Variants in ARHGAP42 observed in about 807,000 individuals in gnomAD.
ARHGAP42 encodes the protein Rho GTPase activating protein 42.
ARHGAP42 carries 63 observed loss-of-function variants against 125.0 expected under a neutral mutation model. The ratio of observed to expected loss-of-function variants is 0.50; its 90% CI spans 0.41 to 0.62. The LOEUF is 0.62. Ranked by LOEUF, ARHGAP42 falls within the 20% of genes least tolerant of loss-of-function variation. The pLI, the probability that ARHGAP42 is intolerant of heterozygous loss-of-function variation, is 0.00. For missense variants in ARHGAP42, 766 were observed against 1,024.2 expected (o/e 0.75, Z 3.44); for synonymous variants, 339 against 351.0 (o/e 0.97, Z 0.38).
intron 4 of ARHGAP42, among the ~76,000 whole-genome samples, chr11:100,903,133 A>ACACATGCGCACACACACACACACT (rs1866603543): frequency 6.6e-6 from 1 of 151,268 alleles, no homozygotes; most frequent in African/African-American, 2.4e-5. Flanking sequence ...ACACACACAC[A>ACACATGCGCACACACACACACACT]CACACACACA....
intron 1 of ARHGAP42, among the ~76,000 whole-genome samples, chr11:100,747,636 CA>C (rs952954580): frequency 2.0e-5 from 3 of 152,210 alleles, no homozygotes; most frequent in East Asian, 1.9e-4. Context: ...ACCTTTAAAA[CA>C]AAAATTTTTT....
chr11:100,762,613 T>G (rs1862732740), intron 1 of ARHGAP42, among the ~76,000 whole-genome samples: 2 of 152,230 alleles, frequency 1.3e-5, no homozygotes, highest in Non-Finnish European at 2.9e-5. Flanking sequence ...TAGGCATGTA[T>G]ATAAAACAGA....
At chr11:100,770,546 A>G (rs1193787247) in intron 2 of ARHGAP42, 108 bp downstream of exon 2, 6 of 867,154 alleles carry the variant, frequency 6.9e-6, no homozygotes, top group Non-Finnish European at 1.0e-5. Context: ...GACTTTGACA[A>G]TACTATAAGA....
rs1864641798 is a variant in ARHGAP42, at chr11:100,830,573, C to T, written c.313-28981C>T. The stretch of plus-strand genomic sequence containing the variant: ...AGAAGCTGCAGTGTCACAAGATCCT[C>T]AGGTGTTTCTTGTGTGCATTAAAGT... On this transcript the variant is annotated intron_variant, in intron 3 of 23. Coordinates refer to ENST00000298815, the MANE Select transcript of ARHGAP42 (RefSeq NM_152432.4). Among the ~76,000 whole-genome samples, 7 of 152,174 alleles carry T rather than the reference C, an allele frequency of 4.6e-5. No individual in the cohort carries two copies. In the South Asian group the frequency reaches 1.5e-3, roughly 32 times the overall value.
rs142299892 is a variant in ARHGAP42, at chr11:100,890,275, C to G, written c.385-23177C>G. On this transcript the variant is annotated intron_variant, in intron 4 of 23. Transcript: ENST00000298815. ...GCTCCTGATGGTTGAAGTTTGACTC[C>G]CTCAAACTGTTCCAGGCTGCAGTGA... is the stretch of plus-strand genomic sequence containing the variant. Among the ~76,000 whole-genome samples the G allele has an allele frequency of 8.4e-3, 1,281 of 152,244 alleles. 21 individuals carry two copies. Among genetic ancestry groups the G allele is most frequent in the African/African-American group, 0.029 (1,209 of 41,546 alleles).
chr11:100,708,304 G>A (rs113924001), intron 1 of ARHGAP42, among the ~76,000 whole-genome samples: 4 of 152,206 alleles, frequency 2.6e-5, no homozygotes, highest in African/African-American at 9.6e-5. Flanking sequence ...TTGAACCCAG[G>A]GGTTGGAGAC....
At chr11:100,758,130 G>A (rs984205907) in intron 1 of ARHGAP42, among the ~76,000 whole-genome samples, 3 of 152,110 alleles carry the variant, frequency 2.0e-5, no homozygotes, top group Non-Finnish European at 4.4e-5. Flanking sequence ...AATAAATGTA[G>A]CAACTTAAAC....
chr11:100,798,612 T>A (rs1863778324), intron 3 of ARHGAP42, among the ~76,000 whole-genome samples: 1 of 152,262 alleles, frequency 6.6e-6, no homozygotes, highest in Non-Finnish European at 1.5e-5. Context: ...ATATAACTTA[T>A]TTGCACTGGC....
intron 16 of ARHGAP42, among the ~76,000 whole-genome samples, chr11:100,964,103 GA>G (rs1308485456): frequency 2.6e-5 from 4 of 152,008 alleles, no homozygotes; most frequent in Non-Finnish European, 4.4e-5. Context: ...TACTAGATGT[GA>G]AGTTAAGAAA....
intron 8 of ARHGAP42, among the ~76,000 whole-genome samples, chr11:100,940,684 T>C (rs1311406931): frequency 6.6e-6 from 1 of 152,158 alleles, no homozygotes; most frequent in East Asian, 1.9e-4. Flanking sequence ...TTTGAACTTG[T>C]TTTTTCCAGA....
intron 3 of ARHGAP42, among the ~76,000 whole-genome samples, chr11:100,814,990 T>A (rs918571863): frequency 4.6e-5 from 7 of 152,214 alleles, no homozygotes; most frequent in African/African-American, 1.7e-4. Context: ...AAGATGTGAG[T>A]TGGCCTCATG....
At chr11:100,985,294 T>A (rs1312284448) in intron 22 of ARHGAP42, among the ~76,000 whole-genome samples, 2 of 152,176 alleles carry the variant, frequency 1.3e-5, no homozygotes, top group African/African-American at 4.8e-5. Flanking sequence ...TTTGTCTTAA[T>A]GGTTCAAAGA....
chr11:100,687,864 G>A, intron 1 of ARHGAP42, 32 bp downstream of exon 1: 3 of 1,511,796 alleles, frequency 2.0e-6, no homozygotes, highest in Admixed American at 2.1e-5. Flanking sequence ...GTGGACACCC[G>A]CATCTGGAGA....
intron 1 of ARHGAP42, among the ~76,000 whole-genome samples, chr11:100,695,362 C>A (rs915282964): frequency 6.6e-6 from 1 of 152,120 alleles, no homozygotes; most frequent in Non-Finnish European, 1.5e-5. Flanking sequence ...GGAATGCAAT[C>A]GCACGATCTC....
chr11:100,955,074 G>A (rs1445689055), intron 12 of ARHGAP42, among the ~76,000 whole-genome samples: 1 of 152,068 alleles, frequency 6.6e-6, no homozygotes, highest in Non-Finnish European at 1.5e-5. Context: ...GAAGGTGTAA[G>A]GACTTTTGCT....
chr11:100,740,352 G>GA (rs1862158316), intron 1 of ARHGAP42, among the ~76,000 whole-genome samples: 1 of 152,114 alleles, frequency 6.6e-6, no homozygotes, highest in Non-Finnish European at 1.5e-5. Flanking sequence ...CTTGGGCACT[G>GA]AATTTATTTC....
chr11:100,942,311 G>A (rs936757923), intron 9 of ARHGAP42, among the ~76,000 whole-genome samples: 2 of 152,118 alleles, frequency 1.3e-5, no homozygotes, highest in Non-Finnish European at 2.9e-5. Flanking sequence ...CTTCTGCACT[G>A]CATACTGTTA....
chr11:100,916,955 GA>G (rs954518647), intron 5 of ARHGAP42, among the ~76,000 whole-genome samples: 5 of 151,636 alleles, frequency 3.3e-5, no homozygotes, highest in African/African-American at 1.2e-4. Context: ...AAATAAGCAG[GA>G]AAAAAGCAGA....
chr11:100,744,282 T>C (rs1211513458), intron 1 of ARHGAP42, among the ~76,000 whole-genome samples: 1 of 152,246 alleles, frequency 6.6e-6, no homozygotes, highest in Non-Finnish European at 1.5e-5. Context: ...ATTCTTTATT[T>C]ATATCCTGAA....
Sources: allele counts gnomAD v4.1 joint callset (sites outside exome capture counted in the v4.1 genomes callset), GRCh38; gene constraint gnomAD v4.1.1; transcripts MANE v1.5; gene names NCBI Gene and HGNC (gene_info 2026-07-23, HGNC 2026-07-21).